SYTL3: variants seen among roughly 807,000 people sequenced by gnomAD.
SYTL3 encodes the protein synaptotagmin-like protein 3.
Under a neutral mutation model 82.1 loss-of-function variants are expected in SYTL3, and 88 were observed. The ratio of observed to expected loss-of-function variants is 1.07; its 90% CI spans 0.90 to 1.28. The LOEUF (loss-of-function observed/expected upper bound fraction) is 1.28, where lower values mean the gene tolerates loss of function less well. SYTL3 is among the 50% of genes most tolerant of loss of function. The pLI is 0.00. For synonymous variants in SYTL3, 311 were observed against 289.4 expected, an observed-to-expected ratio of 1.07 and a Z score of -0.76; for missense variants, 831 against 757.6, an observed-to-expected ratio of 1.10 and a Z score of -1.14.
chr6:158,711,362 C>A (rs1487692576), intron 8 of SYTL3, among the ~76,000 whole-genome samples: 1 of 152,078 alleles, frequency 6.6e-6, no homozygotes, highest in Non-Finnish European at 1.5e-5. Context: ...ATAGACACAG[C>A]CAATAGGATA....
At chr6:158,718,310 T>A (rs1331613390) in intron 10 of SYTL3, 99 bp downstream of exon 10, 16 of 1,264,992 alleles carry the variant, frequency 1.3e-5, no homozygotes, top group Non-Finnish European at 1.5e-5. Context: ...TTTCTTTGGT[T>A]TTATAGAAAA....
chr6:158,675,703 T>G (rs906346068), intron 5 of SYTL3, among the ~76,000 whole-genome samples: 1 of 152,028 alleles, frequency 6.6e-6, no homozygotes, highest in African/African-American at 2.4e-5. Context: ...ATCCTAGCAC[T>G]TTGGGAGGCC....
At chr6:158,675,350 CCTTT>C (rs1425091594) in intron 5 of SYTL3, among the ~76,000 whole-genome samples, 4 of 152,084 alleles carry the variant, frequency 2.6e-5, no homozygotes, top group African/African-American at 7.2e-5. Flanking sequence ...TGATAAAAAC[CCTTT>C]CTTTATCTTC....
At position 158,760,632 on chromosome 6, in the gene SYTL3, G is replaced by A. The variant is rs1179681034; in HGVS notation, c.1309-8G>A. 6.2e-7 allele frequency: 1 copy of A among 1,612,934 alleles called. No individual in the cohort carries two copies. The highest frequency in any genetic ancestry group is 8.5e-7 in the Non-Finnish European group (1 of 1,178,992). On this transcript the variant is annotated splice_region_variant and splice_polypyrimidine_tract_variant and intron_variant, in intron 14 of 17. Coordinates refer to ENST00000611299, the MANE Select transcript of SYTL3 (RefSeq NM_001242394.2). ...ATCCTGTCCCTAAGCTCTGCCTCTT[G>A]TCCCCAGGCGGAGAAATACGAAGAC...
intron 11 of SYTL3, among the ~76,000 whole-genome samples, chr6:158,731,457 C>A (rs1785404438): frequency 6.6e-6 from 1 of 152,080 alleles, no homozygotes; most frequent in African/African-American, 2.4e-5. Flanking sequence ...CCAAGACTGC[C>A]TTTGCACAGC....
chr6:158,654,760 G>T (rs1008676613), intron 2 of SYTL3, among the ~76,000 whole-genome samples: 3 of 152,144 alleles, frequency 2.0e-5, no homozygotes, highest in African/African-American at 7.2e-5. Context: ...GTCCTGGCTG[G>T]GTATGAGCCC....
chr6:158,671,121 A>G (rs1022981286), intron 5 of SYTL3, among the ~76,000 whole-genome samples: 1 of 151,576 alleles, frequency 6.6e-6, no homozygotes, highest in Non-Finnish European at 1.5e-5. Context: ...TACTTTTTAG[A>G]AAAAAAAAGT....
chr6:158,753,585 C>T (rs1365053359), intron 13 of SYTL3, among the ~76,000 whole-genome samples: 1 of 151,836 alleles, frequency 6.6e-6, no homozygotes. Context: ...AAAAAATTAG[C>T]CGGGCGTGGT....
Position 158,752,066 on chromosome 6 carries a change from C to T in SYTL3, c.1137+36C>T, listed in dbSNP as rs747710189. On this transcript the variant is annotated intron_variant, in intron 13 of 17. Transcript: ENST00000611299. Reference sequence around the variant, plus strand: ...GACAGATATTCCTGTGCAGAGTCCTCCCGAGCCCGGGTGGAGCGCCTGGGG... The same window carrying T: ...GACAGATATTCCTGTGCAGAGTCCTTCCGAGCCCGGGTGGAGCGCCTGGGG... 1.2e-5 allele frequency: 18 copies of T among 1,500,808 alleles called. No individual in the cohort carries two copies. The Admixed American group carries it at 4.1e-4, about 34-fold the overall frequency. 93.0% of individuals were successfully genotyped at this position (1,500,808 alleles called of 1,614,324 possible). A position where few individuals can be genotyped will look rare whatever the true frequency, so the allele number is the denominator to read the frequency against.
At chr6:158,752,796 G>C (rs1788557694) in intron 13 of SYTL3, among the ~76,000 whole-genome samples, 2 of 152,216 alleles carry the variant, frequency 1.3e-5, no homozygotes, top group Non-Finnish European at 2.9e-5. Flanking sequence ...TTGGCAAGTA[G>C]GGGGTGTCTG....
At chr6:158,687,387 A>C (rs957751049) in intron 6 of SYTL3, among the ~76,000 whole-genome samples, 1 of 152,190 alleles carries the variant, frequency 6.6e-6, no homozygotes, top group Non-Finnish European at 1.5e-5. Flanking sequence ...GAGAGAGAAA[A>C]GCAGAGCCCA....
chr6:158,695,241 A>G (rs1257679420), intron 6 of SYTL3, among the ~76,000 whole-genome samples: 1 of 152,234 alleles, frequency 6.6e-6, no homozygotes, highest in Non-Finnish European at 1.5e-5. Flanking sequence ...TCTACTCTAG[A>G]AGATCAGTTG....
chr6:158,653,807 A>T (rs181099915), intron 2 of SYTL3, among the ~76,000 whole-genome samples: 318 of 152,342 alleles, frequency 2.1e-3, no homozygotes, highest in African/African-American at 7.4e-3. Context: ...ATGCTACCGC[A>T]GATCTCTGCA....
intron 6 of SYTL3, among the ~76,000 whole-genome samples, chr6:158,693,550 G>C (rs1317772061): frequency 1.3e-5 from 2 of 152,030 alleles, no homozygotes; most frequent in African/African-American, 2.4e-5. Flanking sequence ...ACACCCAGCT[G>C]ACTTTTGCAT....
At chr6:158,764,149 G>C (rs1038805799) in intron 17 of SYTL3, among the ~76,000 whole-genome samples, 1 of 152,228 alleles carries the variant, frequency 6.6e-6, no homozygotes, top group African/African-American at 2.4e-5. Context: ...GGCAAGCCCA[G>C]CCCCCAGTCT....
At chr6:158,669,183 A>G (rs1777084972) in intron 5 of SYTL3, among the ~76,000 whole-genome samples, 1 of 152,242 alleles carries the variant, frequency 6.6e-6, no homozygotes, top group Non-Finnish European at 1.5e-5. Flanking sequence ...CATCAAAAAA[A>G]TAAGATTAAC....
chr6:158,667,308 TC>T (rs1562352742), intron 5 of SYTL3, among the ~76,000 whole-genome samples: 2 of 152,196 alleles, frequency 1.3e-5, no homozygotes, highest in South Asian at 4.1e-4. Context: ...AAATACGACT[TC>T]TAAAACCCCA....
Position 158,673,792 on chromosome 6 carries a change from T to A in SYTL3, c.329+8179T>A, listed in dbSNP as rs534909921. On this transcript the variant is annotated intron_variant, in intron 5 of 17. Coordinates refer to ENST00000611299, the MANE Select transcript of SYTL3 (RefSeq NM_001242394.2). ...TCCTTTTCTCTTTGTATTAATAATC[T>A]TCTTCCTCGGGCCGGGCGTGGTGGC... Among the ~76,000 whole-genome samples, 155 of 150,388 alleles carry A rather than the reference T, an allele frequency of 1.0e-3. 2 individuals carry two copies. The Middle Eastern group carries it at 0.031, about 30-fold the overall frequency.
At chr6:158,703,241 T>C (rs1781539697) in intron 6 of SYTL3, among the ~76,000 whole-genome samples, 1 of 150,344 alleles carries the variant, frequency 6.7e-6, no homozygotes, top group Non-Finnish European at 1.5e-5. Flanking sequence ...GCGCCGTGCC[T>C]GGCAGACACG....
Sources: gnomAD v4.1 joint callset for allele counts (sites outside exome capture counted in the v4.1 genomes callset) on GRCh38, gnomAD v4.1.1 for gene constraint, MANE v1.5 for transcripts, NCBI Gene and HGNC (gene_info 2026-07-23, HGNC 2026-07-21) for gene names.